SGMS1: variants seen among roughly 807,000 people sequenced by gnomAD.
The protein encoded by SGMS1 is phosphatidylcholine:ceramide cholinephosphotransferase 1.
In SGMS1, 13 loss-of-function variants were observed where a neutral mutation model predicts 46.2. That is an observed-to-expected ratio of 0.28 (90% CI 0.18 to 0.45). The LOEUF is 0.45. Ranked by LOEUF, SGMS1 falls within the 20% of genes least tolerant of loss-of-function variation. The pLI is 1.00. For synonymous variants in SGMS1, 203 were observed against 187.8 expected, an observed-to-expected ratio of 1.08 and a Z score of -0.66; for missense variants, 324 against 519.9, an observed-to-expected ratio of 0.62 and a Z score of 3.66.
chr10:50,472,935 C>G (rs1436628751), intron 3 of SGMS1: 1 of 152,162 alleles, frequency 6.6e-6, no homozygotes, highest in Non-Finnish European at 1.5e-5. Context: ...GCTCCCCACA[C>G]TGTTAATCCA....
At chr10:50,331,060 A>G (rs1171147209) in intron 7 of SGMS1, among the ~76,000 whole-genome samples, 1 of 152,220 alleles carries the variant, frequency 6.6e-6, no homozygotes, top group Non-Finnish European at 1.5e-5. Context: ...TAGCACTAAG[A>G]ATGGGCATCA....
intron 6 of SGMS1, chr10:50,418,477 A>G (rs1231243694): frequency 1.3e-5 from 2 of 152,264 alleles, no homozygotes; most frequent in Admixed American, 1.3e-4. Context: ...GCAAAAAAGA[A>G]ATGAGTCAGC....
chr10:50,403,651 G>A (rs935684838), intron 6 of SGMS1, among the ~76,000 whole-genome samples: 1 of 151,482 alleles, frequency 6.6e-6, no homozygotes, highest in Non-Finnish European at 1.5e-5. Flanking sequence ...AAATTCTGAC[G>A]TTTCCAGACA....
chr10:50,530,346 T>C (rs1389956118), intron 2 of SGMS1, among the ~76,000 whole-genome samples: 1 of 152,242 alleles, frequency 6.6e-6, no homozygotes, highest in African/African-American at 2.4e-5. Flanking sequence ...AAAAATTAAC[T>C]TGATAATGCT....
intron 6 of SGMS1, among the ~76,000 whole-genome samples, chr10:50,411,969 A>T (rs765562951): frequency 6.6e-6 from 1 of 152,182 alleles, no homozygotes; most frequent in Non-Finnish European, 1.5e-5. Context: ...TATGTTAGTA[A>T]TTTCTGAGAA....
rs1385030695 is a variant in SGMS1, at chr10:50,306,309, A to G, written c.*833T>C. The G allele has an allele frequency of 6.6e-6, 1 of 152,558 alleles. No homozygotes were observed. Among genetic ancestry groups the G allele is most frequent in the East Asian group, 1.9e-4 (1 of 5,222 alleles). 9.5% of individuals were successfully genotyped at this position (152,558 alleles called of 1,614,324 possible). A position where few individuals can be genotyped will look rare whatever the true frequency, so the allele number is the denominator to read the frequency against. ...ATAAATGCAAAATTTAGTAGTGTATACATATATTTATATTTTCAAGGAATA... is the reference window on the plus strand; with the variant it reads ...ATAAATGCAAAATTTAGTAGTGTATGCATATATTTATATTTTCAAGGAATA... On this transcript the variant is annotated 3_prime_UTR_variant, in exon 11 of 11. Coordinates refer to ENST00000361781, the MANE Select transcript of SGMS1 (RefSeq NM_147156.4).
intron 2 of SGMS1, among the ~76,000 whole-genome samples, chr10:50,541,764 G>A (rs769031155): frequency 1.3e-5 from 2 of 152,176 alleles, no homozygotes; most frequent in Non-Finnish European, 2.9e-5. Context: ...GAACCAGGGT[G>A]GAGCCTCCAG....
chr10:50,467,401 AAGTGTATGATCAAAC>A (rs140195848), intron 3 of SGMS1, among the ~76,000 whole-genome samples: 20,199 of 152,158 alleles, frequency 0.13, 1,442 homozygotes, highest in Middle Eastern at 0.21. Context: ...CCACATACAT[AAGTGTATGATCAAAC>A]AGCTTATAAA....
At chr10:50,350,703 C>A (rs1398344196) in intron 6 of SGMS1, among the ~76,000 whole-genome samples, 1 of 152,212 alleles carries the variant, frequency 6.6e-6, no homozygotes, top group Non-Finnish European at 1.5e-5. Flanking sequence ...GCAGCTTCCC[C>A]ATTGTGTTGA....
At chr10:50,469,194 T>C (rs1431985981) in intron 3 of SGMS1, among the ~76,000 whole-genome samples, 2 of 152,248 alleles carry the variant, frequency 1.3e-5, no homozygotes, top group African/African-American at 4.8e-5. Context: ...CATACTTGAA[T>C]TTGTTTTTCA....
At chr10:50,579,065 C>T (rs570247730) in intron 2 of SGMS1, among the ~76,000 whole-genome samples, 100 of 152,110 alleles carry the variant, frequency 6.6e-4, no homozygotes, top group African/African-American at 2.2e-3. Flanking sequence ...AAAAAGTTAT[C>T]ATTAACCTCC....
Position 50,483,663 on chromosome 10 carries a change from T to C in SGMS1, c.-497-16731A>G, listed in dbSNP as rs994859306. ...TAGAAGTAAAACACTCCTCAGCAAA[T>C]GAAAAAGAGCTGAAATCATAACAAA... is the stretch of plus-strand genomic sequence containing the variant. On this transcript the variant is annotated intron_variant, in intron 3 of 10. Coordinates refer to ENST00000361781, the MANE Select transcript of SGMS1 (RefSeq NM_147156.4). Among the ~76,000 whole-genome samples, 3 of 151,890 alleles carry C rather than the reference T, an allele frequency of 2.0e-5. 1 individual carries two copies. Among genetic ancestry groups the C allele is most frequent in the Middle Eastern group, 6.8e-3 (2 of 294 alleles).
At chr10:50,498,560 G>A (rs1837635417) in intron 3 of SGMS1, among the ~76,000 whole-genome samples, 1 of 152,124 alleles carries the variant, frequency 6.6e-6, no homozygotes, top group Non-Finnish European at 1.5e-5. Context: ...GAAGCATATA[G>A]TATTTTTCCT....
chr10:50,372,723 AT>A (rs924073986), intron 6 of SGMS1, among the ~76,000 whole-genome samples: 1 of 107,010 alleles, frequency 9.3e-6, no homozygotes, highest in Non-Finnish European at 2.1e-5. Flanking sequence ...CACAGCTAAG[AT>A]TTTTACATGG....
rs542105936 is a variant in SGMS1, at chr10:50,623,888, C to A, written c.-865G>T. On this transcript the variant is annotated 5_prime_UTR_variant, in exon 1 of 11. Transcript: ENST00000361781. The stretch of plus-strand genomic sequence containing the variant: ...CTTCTCACTCCCGACCTGCCCGCCG[C>A]CTGCCGCCCGCAGCCGCTGCCCCGC... 3.2e-5 allele frequency: 32 copies of A among 987,172 alleles called. No individual in the cohort carries two copies. Among genetic ancestry groups the A allele is most frequent in the Non-Finnish European group, 2.4e-5 (20 of 831,412 alleles). The allele number at this position is 987,172 out of a possible 1,614,324, so 61.2% of individuals were successfully genotyped here.
chr10:50,433,237 C>G (rs1049117477), intron 6 of SGMS1, among the ~76,000 whole-genome samples: 1 of 152,220 alleles, frequency 6.6e-6, no homozygotes, highest in African/African-American at 2.4e-5. Context: ...TACTTATGCT[C>G]TGTCCACCAA....
chr10:50,536,414 A>G (rs1343412982), intron 2 of SGMS1, among the ~76,000 whole-genome samples: 1 of 152,256 alleles, frequency 6.6e-6, no homozygotes, highest in East Asian at 1.9e-4. Context: ...TTAAAATGAT[A>G]GAATATATAA....
chr10:50,469,149 T>C (rs1434873311), intron 3 of SGMS1, among the ~76,000 whole-genome samples: 1 of 152,236 alleles, frequency 6.6e-6, no homozygotes, highest in Non-Finnish European at 1.5e-5. Flanking sequence ...TTTAGGCTAT[T>C]GTGTTGACCA....
chr10:50,573,779 T>A (rs554109555), intron 2 of SGMS1, among the ~76,000 whole-genome samples: 1 of 152,230 alleles, frequency 6.6e-6, no homozygotes, highest in East Asian at 1.9e-4. Flanking sequence ...AAATATATTA[T>A]GAAGCTACAG....
Sources: gnomAD v4.1 joint callset for allele counts (sites outside exome capture counted in the v4.1 genomes callset) on GRCh38, gnomAD v4.1.1 for gene constraint, MANE v1.5 for transcripts, NCBI Gene and HGNC (gene_info 2026-07-23, HGNC 2026-07-21) for gene names.